Variants in AGPS observed in about 807,000 individuals in gnomAD.
AGPS encodes the protein alkyldihydroxyacetonephosphate synthase, peroxisomal.
In AGPS, 26 loss-of-function variants were observed where a neutral mutation model predicts 90.7. That is an observed-to-expected ratio of 0.29 (90% confidence interval 0.21 to 0.40). The LOEUF (loss-of-function observed/expected upper bound fraction) is 0.40. AGPS is among the 10% of genes least tolerant of loss of function. The pLI is 1.00. For synonymous variants in AGPS, 294 were observed against 285.3 expected (o/e 1.03, Z -0.31); for missense variants, 540 against 816.1 (o/e 0.66, Z 4.12).
intron 13 of AGPS, among the ~76,000 whole-genome samples, chr2:177,498,936 C>G (rs866765928): frequency 6.6e-6 from 1 of 151,722 alleles, no homozygotes; most frequent in East Asian, 1.9e-4. Flanking sequence ...CTTGTTATCA[C>G]CATCACCTAT....
chr2:177,442,366 G>T, intron 6 of AGPS, 41 bp from the exon 7 acceptor site: 2 of 1,450,898 alleles, frequency 1.4e-6, no homozygotes, highest in Non-Finnish European at 1.9e-6. Context: ...GCTAAAAACA[G>T]AATATTTAAA....
intron 14 of AGPS, among the ~76,000 whole-genome samples, chr2:177,502,633 G>T (rs1237606914): frequency 6.6e-6 from 1 of 151,926 alleles, no homozygotes; most frequent in African/African-American, 2.4e-5. Flanking sequence ...GTTTTGCCAT[G>T]TTGCCCAGGC....
At chr2:177,501,659 G>GTTTGTT in intron 14 of AGPS, among the ~76,000 whole-genome samples, 1 of 151,938 alleles carries the variant, frequency 6.6e-6, no homozygotes, top group Non-Finnish European at 1.5e-5. Context: ...TTTTTTGTTT[G>GTTTGTT]TTTGTTTTTG....
intron 8 of AGPS, among the ~76,000 whole-genome samples, chr2:177,449,533 C>T (rs1450878064): frequency 6.6e-6 from 1 of 152,150 alleles, no homozygotes; most frequent in African/African-American, 2.4e-5. Context: ...AGGCAATCCT[C>T]CCACTTCAGC....
Position 177,461,817 on chromosome 2 carries a change from G to T in AGPS, c.871-76G>T, listed in dbSNP as rs1041617193. 9.2e-6 allele frequency: 12 copies of T among 1,307,770 alleles called. No homozygotes were observed. The Admixed American group carries it at 1.8e-4, about 19-fold the overall frequency. 81.0% of individuals were successfully genotyped at this position (1,307,770 alleles called of 1,614,324 possible). On this transcript the variant is annotated intron_variant, in intron 8 of 19. Transcript: ENST00000264167. ...ATCAATGACATGGAAATTTTAAAGT[G>T]GGAGGAGTTAATGTGTTGAGTGCTG...
chr2:177,412,128 T>A (rs1338714109), intron 1 of AGPS, among the ~76,000 whole-genome samples: 1 of 151,810 alleles, frequency 6.6e-6, no homozygotes, highest in Non-Finnish European at 1.5e-5. Context: ...TACAACTTGC[T>A]CCAATACGTG....
At chr2:177,414,536 G>T (rs1685728385) in intron 1 of AGPS, among the ~76,000 whole-genome samples, 1 of 152,120 alleles carries the variant, frequency 6.6e-6, no homozygotes, top group East Asian at 1.9e-4. Flanking sequence ...GTTTCTTGTG[G>T]ACTATAAAAA....
chr2:177,520,445 G>A lies in AGPS; in HGVS notation c.1698-824G>A, dbSNP rs541432620. Among the ~76,000 whole-genome samples, 377 of 152,236 alleles carry A rather than the reference G, an allele frequency of 2.5e-3. 2 individuals are homozygous for A. Among genetic ancestry groups the A allele is most frequent in the African/African-American group, 8.6e-3 (358 of 41,532 alleles). ...TCATGTTCCTATCCTCAGCAGTGAC[G>A]GAGCCAATGAAAGGAACCAGGTTTC... On this transcript the variant is annotated intron_variant, in intron 17 of 19. Transcript: ENST00000264167.
intron 10 of AGPS, among the ~76,000 whole-genome samples, chr2:177,479,509 G>C (rs1396907217): frequency 6.6e-5 from 10 of 152,184 alleles, no homozygotes; most frequent in Admixed American, 3.9e-4. Flanking sequence ...TAGCCAAAAA[G>C]TAGAATCCCA....
At chr2:177,524,008 G>A (rs963505641) in intron 19 of AGPS, among the ~76,000 whole-genome samples, 1 of 152,208 alleles carries the variant, frequency 6.6e-6, no homozygotes, top group African/African-American at 2.4e-5. Flanking sequence ...TGACACGCCT[G>A]CCTAGAAATG....
At chr2:177,417,793 A>G (rs1352455977) in intron 1 of AGPS, among the ~76,000 whole-genome samples, 1 of 152,190 alleles carries the variant, frequency 6.6e-6, no homozygotes, top group East Asian at 1.9e-4. Flanking sequence ...TTATGCTGTA[A>G]TACCGTTCAA....
intron 19 of AGPS, among the ~76,000 whole-genome samples, chr2:177,529,276 C>T (rs1312541825): frequency 6.6e-6 from 1 of 151,778 alleles, no homozygotes; most frequent in East Asian, 1.9e-4. Flanking sequence ...AGACAGTCTG[C>T]GCAACATAGC....
rs775889039 is a variant in AGPS at position 177,442,423 on chromosome 2, A to G, written c.726A>G (p.Ser242=). 6.2e-7 allele frequency: 1 copy of G among 1,613,796 alleles called. No homozygotes were observed. Among genetic ancestry groups the G allele is most frequent in the East Asian group, 2.2e-5 (1 of 44,874 alleles). ...TTTTGGCAGGAGGAACAAGTGTTTC[A>G]TATGGCCTGATGTGTCCTGCAGATG... is the stretch of plus-strand genomic sequence containing the variant. The part of the protein sequence containing the change: ...IIPIGGGTSV[S]YGLMCPADET... Residue 242 remains serine (S), a synonymous_variant, in exon 7 of 20, where the codon TCA becomes TCG. Coordinates refer to ENST00000264167, the MANE Select transcript of AGPS (RefSeq NM_003659.4).
chr2:177,443,210 A>G (rs1686661267), intron 7 of AGPS, among the ~76,000 whole-genome samples: 1 of 152,150 alleles, frequency 6.6e-6, no homozygotes, highest in Non-Finnish European at 1.5e-5. Flanking sequence ...GTAATTCTTT[A>G]TGTTATTTAG....
chr2:177,512,787 T>G lies in AGPS; in HGVS notation c.1608-1032T>G, dbSNP rs371333846. 4.6e-5 allele frequency among the ~76,000 whole-genome samples: 7 copies of G among 152,342 alleles called. No individual in the cohort carries two copies. In the East Asian group the frequency reaches 7.7e-4, roughly 17 times the overall value. ...TACATCGTTTGTCTTCAGTAGATCT[T>G]TGTCAAACTGGATTTCAGCTTGTGA... On this transcript the variant is annotated intron_variant, in intron 16 of 19. Transcript: ENST00000264167.
chr2:177,460,115 T>TG (rs1687247946), intron 8 of AGPS, among the ~76,000 whole-genome samples: 1 of 152,112 alleles, frequency 6.6e-6, no homozygotes, highest in African/African-American at 2.4e-5. Context: ...AGTTGAACAA[T>TG]GAGTACACAT....
intron 2 of AGPS, among the ~76,000 whole-genome samples, chr2:177,432,486 G>T (rs899593517): frequency 1.3e-5 from 2 of 152,182 alleles, no homozygotes; most frequent in Non-Finnish European, 2.9e-5. Context: ...ACTAAGCTAG[G>T]TTGCAAGTTT....
chr2:177,399,233 G>A lies in AGPS; in HGVS notation c.260+6184G>A, dbSNP rs796324018. Among the ~76,000 whole-genome samples, 7 of 152,288 alleles carry A rather than the reference G, an allele frequency of 4.6e-5. 1 individual carries two copies. The highest frequency in any genetic ancestry group is 1.9e-4 in the East Asian group (1 of 5,192). On this transcript the variant is annotated intron_variant, in intron 1 of 19. Transcript: ENST00000264167. The stretch of plus-strand genomic sequence containing the variant: ...GCAAGTGCTAAGCAAATATTACTCC[G>A]TTTGATTTTATTTCCTTATTATTGA...
At chr2:177,522,808 G>A (rs1440673413) in intron 18 of AGPS, among the ~76,000 whole-genome samples, 1 of 152,050 alleles carries the variant, frequency 6.6e-6, no homozygotes, top group Non-Finnish European at 1.5e-5. Flanking sequence ...TCCCACCTGG[G>A]CCCTCTCCTA....
Sources: gnomAD v4.1 joint callset for allele counts (sites outside exome capture counted in the v4.1 genomes callset) on GRCh38, gnomAD v4.1.1 for gene constraint, MANE v1.5 for transcripts, NCBI Gene and HGNC (gene_info 2026-07-23, HGNC 2026-07-21) for gene names.